The following PRKCZ variants were observed in gnomAD, a reference collection of about 807,000 sequenced individuals.
The protein encoded by PRKCZ is protein kinase C zeta type.
PRKCZ carries 33 observed loss-of-function variants against 79.5 expected under a neutral mutation model. The ratio of observed to expected loss-of-function variants is 0.41; its 90% CI spans 0.31 to 0.55. The LOEUF is 0.55. Among genes scored for constraint, PRKCZ ranks in the 20% least tolerant of loss-of-function variants. The probability of loss-of-function intolerance (pLI) is 0.19; values close to 1 mark genes in which losing one functional copy is unlikely to be tolerated. For missense variants in PRKCZ, 578 were observed against 813.5 expected (o/e 0.71, Z 3.52); for synonymous variants, 342 against 320.9 (o/e 1.07, Z -0.70).
At chr1:2,124,361 AGG>A (rs1673417326) in intron 4 of PRKCZ, among the ~76,000 whole-genome samples, 1 of 97,554 alleles carries the variant, frequency 1.0e-5, no homozygotes, top group Non-Finnish European at 2.1e-5. Flanking sequence ...GGCGGTGGTT[AGG>A]GTCACGGCGG....
intron 10 of PRKCZ, among the ~76,000 whole-genome samples, chr1:2,163,618 C>T (rs57855283): frequency 0.047 from 7,090 of 152,132 alleles, 506 homozygotes; most frequent in African/African-American, 0.16. Flanking sequence ...AGGCCGGGTG[C>T]GGTGGCTCAC....
intron 1 of PRKCZ, among the ~76,000 whole-genome samples, chr1:2,053,223 C>T (rs151082204): frequency 2.0e-5 from 3 of 152,072 alleles, no homozygotes; most frequent in Non-Finnish European, 4.4e-5. Flanking sequence ...GCTTCAGCCT[C>T]CCTAGTATCT....
chr1:2,081,261 T>G (rs1274520394), intron 4 of PRKCZ, among the ~76,000 whole-genome samples: 1 of 152,128 alleles, frequency 6.6e-6, no homozygotes, highest in Non-Finnish European at 1.5e-5. Flanking sequence ...TCGGATACCG[T>G]GTCGCTTACT....
At chr1:2,161,395 G>A (rs1399554884) in intron 10 of PRKCZ, among the ~76,000 whole-genome samples, 1 of 152,228 alleles carries the variant, frequency 6.6e-6, no homozygotes, top group Admixed American at 6.5e-5. Context: ...TTTGCATTGC[G>A]AGGGCGTCCT....
intron 10 of PRKCZ, among the ~76,000 whole-genome samples, chr1:2,164,942 C>T (rs1683042233): frequency 2.6e-5 from 4 of 152,186 alleles, no homozygotes; most frequent in Admixed American, 2.6e-4. Context: ...TGTCTCCTGG[C>T]TCCAGGAAGG....
At chr1:2,072,708 G>GA (rs1661710826) in intron 4 of PRKCZ, among the ~76,000 whole-genome samples, 1 of 152,124 alleles carries the variant, frequency 6.6e-6, no homozygotes, top group South Asian at 2.1e-4. Flanking sequence ...CTGTCTCTAG[G>GA]AATCGGTTGG....
rs568963175 is a variant in PRKCZ, at chr1:2,102,778, G to A, written c.335-32484G>A. Among the ~76,000 whole-genome samples the A allele has an allele frequency of 7.2e-5, 11 of 152,230 alleles. 1 individual carries two copies. The East Asian group carries it at 1.2e-3, about 16-fold the overall frequency. ...CCAACCCCCAACTCTCCTGCGTCACGGATTGGTTCAGAACCAGGAGACACA... is the reference window on the plus strand; with the variant it reads ...CCAACCCCCAACTCTCCTGCGTCACAGATTGGTTCAGAACCAGGAGACACA... On this transcript the variant is annotated intron_variant, in intron 4 of 17. Transcript: ENST00000378567.
At position 2,181,512 on chromosome 1, in the gene PRKCZ, C is replaced by T. The variant is rs570695164; in HGVS notation, c.1576-3071C>T. Among the ~76,000 whole-genome samples the T allele has an allele frequency of 5.3e-5, 8 of 152,138 alleles. No individual in the cohort carries two copies. The East Asian group carries it at 1.2e-3, about 22-fold the overall frequency. On this transcript the variant is annotated intron_variant, in intron 16 of 17. Coordinates refer to ENST00000378567, the MANE Select transcript of PRKCZ (RefSeq NM_002744.6). ...ACGTCCATGGGTTGGGCGCAGGGGG[C>T]GGCGGTGGGAAAAGGTGTCAGGCAC...
intron 4 of PRKCZ, among the ~76,000 whole-genome samples, chr1:2,084,679 G>A (rs1395882275): frequency 6.6e-6 from 1 of 152,214 alleles, no homozygotes; most frequent in Admixed American, 6.5e-5. Context: ...CATCGGGTCT[G>A]TGTGGCAGCA....
rs1030787949 is a variant in PRKCZ, at chr1:2,092,617, C to T, written c.334+33026C>T. ...TTGTTTAAGGTATAAATTCATTGAG[C>T]TTGAAGACGTTGTACGTGGAAGTGA... On this transcript the variant is annotated intron_variant, in intron 4 of 17. Coordinates refer to ENST00000378567, the MANE Select transcript of PRKCZ (RefSeq NM_002744.6). Among the ~76,000 whole-genome samples, 6 of 152,172 alleles carry T rather than the reference C, an allele frequency of 3.9e-5. No individual in the cohort carries two copies. The East Asian group carries it at 1.2e-3, about 29-fold the overall frequency.
chr1:2,184,956 G>A lies in PRKCZ; in HGVS notation c.1726G>A (p.Glu576Lys), dbSNP rs144015632. ...AAAGAGGATCGACCAGTCAGAGTTC[G>A]AAGGCTTTGAGTATATCAACCCATT... Reference protein sequence around the residue: ...AIKRIDQSEFEGFEYINPLLL... With the variant: ...AIKRIDQSEFKGFEYINPLLL... The change falls in exon 18 of 18, where the codon GAA (glutamate) becomes AAA (lysine). Residue 576 changes from glutamate (E) to lysine (K), a missense_variant. Around this residue, in one of 4 missense-constraint regions of PRKCZ, gnomAD observed 243 missense variants for 467.0 expected, o/e 0.52. Coordinates refer to ENST00000378567, the MANE Select transcript of PRKCZ (RefSeq NM_002744.6). 28 of 1,613,846 alleles carry A rather than the reference G, an allele frequency of 1.7e-5. No individual in the cohort carries two copies. In the Middle Eastern group the frequency reaches 4.9e-4, roughly 28 times the overall value.
At chr1:2,065,162 A>G (rs1661013815) in intron 4 of PRKCZ, among the ~76,000 whole-genome samples, 1 of 152,194 alleles carries the variant, frequency 6.6e-6, no homozygotes, top group Non-Finnish European at 1.5e-5. Context: ...GTAAGTGTAT[A>G]AAAGTGCAGT....
chr1:2,077,705 G>T (rs1395496931), intron 4 of PRKCZ, among the ~76,000 whole-genome samples: 1 of 152,220 alleles, frequency 6.6e-6, no homozygotes, highest in Non-Finnish European at 1.5e-5. Flanking sequence ...TCCCTGGAGG[G>T]GATCACAGCA....
Position 2,185,112 on chromosome 1 carries a change from A to G in PRKCZ, c.*103A>G. On this transcript the variant is annotated 3_prime_UTR_variant, in exon 18 of 18. Transcript: ENST00000378567. ...GCTGGGCACGGCTCCGAGGGCGGCC[A>G]GGGACAGACGCTTGCGCCGAGACCG... 3.5e-6 allele frequency: 4 copies of G among 1,155,968 alleles called. No homozygotes were observed. Among genetic ancestry groups the G allele is most frequent in the Non-Finnish European group, 5.0e-6 (4 of 800,862 alleles). The allele number at this position is 1,155,968 out of a possible 1,614,324, so 71.6% of individuals were successfully genotyped here.
intron 3 of PRKCZ, among the ~76,000 whole-genome samples, chr1:2,058,237 A>G (rs987856625): frequency 1.4e-5 from 2 of 147,254 alleles, no homozygotes; most frequent in African/African-American, 5.1e-5. Flanking sequence ...TCCTGACCTT[A>G]GGTGATCTGC....
chr1:2,087,406 C>T lies in PRKCZ; in HGVS notation c.334+27815C>T, dbSNP rs547749110. ...CCCCCATTCTTGTTTATTTTACTTA[C>T]CTTTGGGTGGTGAGGCGCCACGGCT... On this transcript the variant is annotated intron_variant, in intron 4 of 17. Coordinates refer to ENST00000378567, the MANE Select transcript of PRKCZ (RefSeq NM_002744.6). 1.2e-4 allele frequency among the ~76,000 whole-genome samples: 19 copies of T among 152,144 alleles called. 1 individual carries two copies. Among genetic ancestry groups the T allele is most frequent in the East Asian group, 5.8e-4 (3 of 5,152 alleles).
rs1685763579 is a variant in PRKCZ at position 2,177,782 on chromosome 1, C to T, written c.1575+2469C>T. On this transcript the variant is annotated intron_variant, in intron 16 of 17. Transcript: ENST00000378567. The surrounding 1 kb of genome is among the most constrained non-coding windows in gnomAD (Gnocchi z 6.4). The stretch of plus-strand genomic sequence containing the variant: ...GCAGAATCACCCCCGTGGCTGCCCA[C>T]AGGGGCGGCTTCCATCACCCTGCTT... Among the ~76,000 whole-genome samples the T allele has an allele frequency of 6.6e-6, 1 of 152,208 alleles. No individual in the cohort carries two copies. The highest frequency in any genetic ancestry group is 1.5e-5 in the Non-Finnish European group (1 of 68,022).
Position 2,184,940 on chromosome 1 carries a change from C to T in PRKCZ, c.1710C>T (p.Ile570=), listed in dbSNP as rs1366317507. The change falls in exon 18 of 18, where the codon ATC becomes ATT. Residue 570 remains isoleucine (I), a synonymous_variant. Coordinates refer to ENST00000378567, the MANE Select transcript of PRKCZ (RefSeq NM_002744.6). Reference sequence around the variant, plus strand: ...CCCACAGGGATGCCATAAAGAGGATCGACCAGTCAGAGTTCGAAGGCTTTG... The same window carrying T: ...CCCACAGGGATGCCATAAAGAGGATTGACCAGTCAGAGTTCGAAGGCTTTG... ...TPDDEDAIKR[I]DQSEFEGFEY... is the part of the protein sequence containing the mutation. 32 of 1,613,724 alleles carry T rather than the reference C, an allele frequency of 2.0e-5. No homozygotes were observed. Among genetic ancestry groups the T allele is most frequent in the Non-Finnish European group, 2.5e-5 (29 of 1,179,936 alleles).
At position 2,174,658 on chromosome 1, in the gene PRKCZ, G is replaced by A; in HGVS notation, c.1406-96G>A. ...GGAGGGGCTCCGGGGCCCCAAGGCTGAGCTCCCAAAGCTCTTGCTCAGAGT... is the reference window on the plus strand; with the variant it reads ...GGAGGGGCTCCGGGGCCCCAAGGCTAAGCTCCCAAAGCTCTTGCTCAGAGT... On this transcript the variant is annotated intron_variant, in intron 14 of 17. Transcript: ENST00000378567. This position sits in a 1 kb window ranked among gnomAD's most constrained non-coding sequence, Gnocchi z 6.2. 3 of 1,336,750 alleles carry A rather than the reference G, an allele frequency of 2.2e-6. No homozygotes were observed. The South Asian group carries it at 3.7e-5, about 17-fold the overall frequency. 82.8% of individuals were successfully genotyped at this position (1,336,750 alleles called of 1,614,324 possible).
Sources: gnomAD v4.1 joint callset for allele counts (sites outside exome capture counted in the v4.1 genomes callset) on GRCh38, gnomAD v4.1.1 for gene constraint, gnomAD v4.1.1 regional missense constraint, Gnocchi (gnomAD v3.1) non-coding constraint, MANE v1.5 for transcripts, NCBI Gene and HGNC (gene_info 2026-07-23, HGNC 2026-07-21) for gene names.